SLC39A11: variants seen among roughly 807,000 people sequenced by gnomAD.
The protein encoded by SLC39A11 is zinc transporter ZIP11.
In SLC39A11, 33 loss-of-function variants were observed where a neutral mutation model predicts 36.1. The ratio of observed to expected loss-of-function variants is 0.91; its 90% CI spans 0.69 to 1.22. SLC39A11 has a LOEUF of 1.22. Among genes scored for constraint, SLC39A11 ranks in the 50% most tolerant of loss-of-function variants. SLC39A11 has a pLI of 0.00. For missense variants in SLC39A11, 432 were observed against 430.3 expected, an observed-to-expected ratio of 1.00 and a Z score of -0.03; for synonymous variants, 166 against 170.3, an observed-to-expected ratio of 0.97 and a Z score of 0.20.
chr17:72,699,073 C>T (rs2072474842), intron 7 of SLC39A11, among the ~76,000 whole-genome samples: 1 of 152,130 alleles, frequency 6.6e-6, no homozygotes, highest in Admixed American at 6.5e-5. Context: ...TTGTGATCTG[C>T]CCGCCTTGGC....
chr17:72,772,921 T>TA (rs997688114), intron 6 of SLC39A11, among the ~76,000 whole-genome samples: 1 of 151,744 alleles, frequency 6.6e-6, no homozygotes, highest in African/African-American at 2.4e-5. Context: ...CTGTCTCTAC[T>TA]AAAAAAATAC....
chr17:73,011,273 CA>C (rs1442595973), intron 4 of SLC39A11, among the ~76,000 whole-genome samples: 2 of 152,146 alleles, frequency 1.3e-5, no homozygotes, highest in Non-Finnish European at 2.9e-5. Context: ...GGCGCAAAGG[CA>C]GGGGGGACAG....
chr17:73,075,187 A>C (rs1031675967), intron 3 of SLC39A11, among the ~76,000 whole-genome samples: 1 of 152,212 alleles, frequency 6.6e-6, no homozygotes, highest in East Asian at 1.9e-4. Flanking sequence ...AATCCAACTG[A>C]AACACTTCAC....
intron 6 of SLC39A11, among the ~76,000 whole-genome samples, chr17:72,769,012 G>A (rs1568058693): frequency 6.6e-6 from 1 of 152,026 alleles, no homozygotes; most frequent in Admixed American, 6.6e-5. Flanking sequence ...CACCCACTTC[G>A]GCCTCCCAAA....
rs190041117 is a variant in SLC39A11 at position 72,838,278 on chromosome 17, G to A, written c.601+11356C>T. Among the ~76,000 whole-genome samples the A allele has an allele frequency of 5.7e-3, 849 of 149,858 alleles. 7 individuals are homozygous for A. The highest frequency in any genetic ancestry group is 0.02 in the African/African-American group (819 of 40,714). ...AGGTCTTGCTCTGTCACCTTGGCTG[G>A]AGTGCAGTGGCACAACCACGGCTCA... On this transcript the variant is annotated intron_variant, in intron 6 of 9. Coordinates refer to ENST00000255559, the MANE Select transcript of SLC39A11 (RefSeq NM_139177.4).
intron 6 of SLC39A11, among the ~76,000 whole-genome samples, chr17:72,739,243 T>C (rs972159587): frequency 1.3e-5 from 2 of 151,808 alleles, no homozygotes; most frequent in African/African-American, 4.8e-5. Flanking sequence ...GTCTCCTGCC[T>C]CAGCCTCCCA....
chr17:73,015,105 C>T, intron 4 of SLC39A11, among the ~76,000 whole-genome samples: 1 of 152,200 alleles, frequency 6.6e-6, no homozygotes, highest in Non-Finnish European at 1.5e-5. Flanking sequence ...AGTTTCCATC[C>T]TACTCTGGTA....
At chr17:73,043,813 G>A (rs181516581) in intron 3 of SLC39A11, among the ~76,000 whole-genome samples, 9 of 152,298 alleles carry the variant, frequency 5.9e-5, no homozygotes, top group Admixed American at 2.0e-4. Context: ...CCCATGATGA[G>A]CGGCCACATG....
At chr17:73,007,697 C>T (rs993929529) in intron 4 of SLC39A11, among the ~76,000 whole-genome samples, 2 of 151,824 alleles carry the variant, frequency 1.3e-5, no homozygotes, top group Non-Finnish European at 2.9e-5. Context: ...GAGGGAGGGG[C>T]CAGGAGGAGA....
rs562982869 is a variant in SLC39A11 at position 73,008,148 on chromosome 17, T to A, written c.306+23408A>T. On this transcript the variant is annotated intron_variant, in intron 4 of 9. Transcript: ENST00000255559. The stretch of plus-strand genomic sequence containing the variant: ...GAAAAAGAAACATTTGTTGTTGGGG[T>A]TTGTTGTTTTTTTTTTGTTTTTTTT... 3.8e-4 allele frequency among the ~76,000 whole-genome samples: 48 copies of A among 125,754 alleles called. 1 individual carries two copies. Among genetic ancestry groups the A allele is most frequent in the African/African-American group, 1.3e-3 (47 of 37,244 alleles). The allele number at this position is 125,754 out of a possible 152,430, so 82.5% of individuals were successfully genotyped here. A position where few individuals can be genotyped will look rare whatever the true frequency, so the allele number is the denominator to read the frequency against.
At chr17:72,962,329 C>T (rs2086668191) in intron 4 of SLC39A11, among the ~76,000 whole-genome samples, 1 of 152,198 alleles carries the variant, frequency 6.6e-6, no homozygotes, top group Non-Finnish European at 1.5e-5. Flanking sequence ...GCTAGGTCCT[C>T]TGCTCAGAGT....
intron 5 of SLC39A11, among the ~76,000 whole-genome samples, chr17:72,938,897 A>C (rs1193822373): frequency 6.6e-6 from 1 of 152,218 alleles, no homozygotes; most frequent in East Asian, 1.9e-4. Context: ...TCCTCAGTAG[A>C]TACTTAATGA....
chr17:72,896,622 T>G (rs2082043628), intron 5 of SLC39A11, among the ~76,000 whole-genome samples: 1 of 152,096 alleles, frequency 6.6e-6, no homozygotes, highest in Non-Finnish European at 1.5e-5. Flanking sequence ...GGGATGCACA[T>G]CTATTTTTAA....
At chr17:72,965,657 T>C (rs1284965895) in intron 4 of SLC39A11, among the ~76,000 whole-genome samples, 1 of 152,224 alleles carries the variant, frequency 6.6e-6, no homozygotes, top group East Asian at 1.9e-4. Context: ...TTTTCAGCTA[T>C]GATAGGTTTA....
intron 5 of SLC39A11, among the ~76,000 whole-genome samples, chr17:72,909,871 G>T (rs570668218): frequency 6.6e-6 from 1 of 150,986 alleles, no homozygotes; most frequent in Non-Finnish European, 1.5e-5. Flanking sequence ...TCAGCCTCCC[G>T]AGTAGCTGGG....
intron 4 of SLC39A11, among the ~76,000 whole-genome samples, chr17:73,024,766 C>T (rs774075546): frequency 5.9e-5 from 9 of 152,048 alleles, no homozygotes; most frequent in Admixed American, 1.3e-4. Flanking sequence ...AGCGTGATCC[C>T]GGCTCACTGA....
At chr17:73,086,339 AT>A (rs34812115) in intron 2 of SLC39A11, among the ~76,000 whole-genome samples, 8,962 of 146,636 alleles carry the variant, frequency 0.061, 330 homozygotes, top group East Asian at 0.21. Flanking sequence ...TTCAATACAG[AT>A]TTTTTTTTTT....
At chr17:72,778,103 C>T (rs1306361795) in intron 6 of SLC39A11, among the ~76,000 whole-genome samples, 1 of 152,148 alleles carries the variant, frequency 6.6e-6, no homozygotes, top group African/African-American at 2.4e-5. Context: ...TGGGGTTTCA[C>T]CATGTTGGCC....
chr17:73,054,442 G>A (rs2059606235), intron 3 of SLC39A11, among the ~76,000 whole-genome samples: 1 of 151,930 alleles, frequency 6.6e-6, no homozygotes, highest in Admixed American at 6.6e-5. Flanking sequence ...ATTTTTGGAT[G>A]CCAACTATGT....
Sources: gnomAD v4.1 joint callset for allele counts (sites outside exome capture counted in the v4.1 genomes callset) on GRCh38, gnomAD v4.1.1 for gene constraint, MANE v1.5 for transcripts, NCBI Gene and HGNC (gene_info 2026-07-23, HGNC 2026-07-21) for gene names.